Variants in CLIC5 observed in about 807,000 individuals in gnomAD.
The protein encoded by CLIC5 is CLIC family member 5, also known as chloride intracellular channel protein 5.
A neutral mutation model predicts 24.7 loss-of-function variants in CLIC5; 20 were observed. That is an observed-to-expected ratio of 0.81 (90% CI 0.57 to 1.18). CLIC5 has a LOEUF of 1.18. Among genes scored for constraint, CLIC5 ranks in the 50% most tolerant of loss-of-function variants. The probability of loss-of-function intolerance (pLI) is 0.00; values close to 1 mark genes in which losing one functional copy is unlikely to be tolerated. For synonymous variants in CLIC5, 159 were observed against 135.6 expected, an observed-to-expected ratio of 1.17 and a Z score of -1.20; for missense variants, 341 against 326.1, an observed-to-expected ratio of 1.05 and a Z score of -0.35.
intron 1 of CLIC5, among the ~76,000 whole-genome samples, chr6:45,957,690 T>A (rs1764691345): frequency 6.6e-6 from 1 of 152,238 alleles, no homozygotes; most frequent in South Asian, 2.1e-4. Context: ...AAACAAAAAT[T>A]GTCAAAGACC....
intron 1 of CLIC5, among the ~76,000 whole-genome samples, chr6:45,969,796 G>GTTTTTTT (rs397779323): frequency 9.5e-6 from 1 of 105,314 alleles, no homozygotes; most frequent in African/African-American, 4.0e-5. Flanking sequence ...TCACATCAAG[G>GTTTTTTT]TTTTTTTTTT....
upstream of CLIC5, chr6:46,018,880 A>G (rs1050671528): frequency 2.0e-5 from 3 of 152,238 alleles, no homozygotes; most frequent in Non-Finnish European, 4.4e-5. Flanking sequence ...AAACTATAAC[A>G]TATCTGATAG....
intron 4 of CLIC5, among the ~76,000 whole-genome samples, chr6:45,936,030 T>A (rs1448070597): frequency 1.3e-5 from 2 of 152,030 alleles, no homozygotes; most frequent in Non-Finnish European, 2.9e-5. Flanking sequence ...CTTCTTTCTC[T>A]TCCTCCTTGA....
intron 1 of CLIC5, among the ~76,000 whole-genome samples, chr6:46,066,931 A>C (rs1762458674): frequency 6.6e-6 from 1 of 152,152 alleles, no homozygotes. Context: ...TGGAGAGCTC[A>C]GTACTCCTGG....
intron 3 of CLIC5, among the ~76,000 whole-genome samples, chr6:45,944,951 C>T (rs992336505): frequency 2.6e-5 from 4 of 152,180 alleles, no homozygotes; most frequent in African/African-American, 9.7e-5. Context: ...ACGTGAAGGA[C>T]GTTAATGCAT....
intron 1 of CLIC5, among the ~76,000 whole-genome samples, chr6:46,032,729 C>T (rs546704914): frequency 6.3e-4 from 96 of 152,296 alleles, no homozygotes; most frequent in African/African-American, 2.3e-3. Context: ...CCTCTTCGTG[C>T]CCTTATTCTT....
At chr6:45,939,195 T>G (rs897217895) in intron 4 of CLIC5, among the ~76,000 whole-genome samples, 1 of 151,198 alleles carries the variant, frequency 6.6e-6, no homozygotes, top group African/African-American at 2.4e-5. Context: ...CTCCTCTACA[T>G]GTCTGTGTCC....
intron 1 of CLIC5, among the ~76,000 whole-genome samples, chr6:46,061,972 T>G (rs982848428): frequency 7.2e-5 from 11 of 152,222 alleles, no homozygotes; most frequent in Non-Finnish European, 2.9e-5. Context: ...GTAATAGCAC[T>G]GTCCTACAGA....
chr6:46,095,462 C>A, the CLIC5 span, among the ~76,000 whole-genome samples: 1 of 152,174 alleles, frequency 6.6e-6, no homozygotes, highest in African/African-American at 2.4e-5. Context: ...TTAGAAGCAG[C>A]CAGGTCACAT....
rs1327914268 is a variant in CLIC5, at chr6:46,029,246, G to T, written c.540+50457C>A. ...GGCAAGGGAATGAGTGTTTTTCATGGCACAGTTCACTTAACGGCTGTTTAC... is the reference window on the plus strand; with the variant it reads ...GGCAAGGGAATGAGTGTTTTTCATGTCACAGTTCACTTAACGGCTGTTTAC... On this transcript the variant is annotated intron_variant, in intron 1 of 5. Transcript: ENST00000185206. Among the ~76,000 whole-genome samples, 136 of 152,130 alleles carry T rather than the reference G, an allele frequency of 8.9e-4. 2 individuals carry two copies. The highest frequency in any genetic ancestry group is 8.2e-3 in the Admixed American group (125 of 15,272).
chr6:45,939,407 G>A (rs2127363826), intron 4 of CLIC5, among the ~76,000 whole-genome samples: 1 of 151,592 alleles, frequency 6.6e-6, no homozygotes, highest in Admixed American at 6.6e-5. Flanking sequence ...GGAGACGGGG[G>A]TCTCAGACTC....
At chr6:45,935,132 G>A (rs776639337) in intron 4 of CLIC5, among the ~76,000 whole-genome samples, 12 of 152,240 alleles carry the variant, frequency 7.9e-5, no homozygotes, top group Admixed American at 3.3e-4. Flanking sequence ...ATGGCAGATT[G>A]AGGGTAAGAA....
intron 5 of CLIC5, chr6:45,912,873 T>C (rs1762870859): frequency 1.5e-6 from 1 of 665,328 alleles, no homozygotes; most frequent in Non-Finnish European, 2.7e-6. Flanking sequence ...TCTAAATAGG[T>C]TGTATTTGCC....
At chr6:45,934,627 G>A (rs1168288593) in intron 4 of CLIC5, among the ~76,000 whole-genome samples, 3 of 152,234 alleles carry the variant, frequency 2.0e-5, no homozygotes, top group African/African-American at 7.2e-5. Flanking sequence ...GTGGAAGTGG[G>A]CTGCGCAAAA....
intron 5 of CLIC5, chr6:45,912,050 A>C (rs1762840432): frequency 2.0e-6 from 2 of 985,778 alleles, no homozygotes; most frequent in Admixed American, 6.1e-5. Flanking sequence ...GTAAGGATGC[A>C]CACGGAGATC....
At chr6:46,032,008 TA>T (rs1400637610) in intron 1 of CLIC5, among the ~76,000 whole-genome samples, 1 of 151,514 alleles carries the variant, frequency 6.6e-6, no homozygotes, top group Non-Finnish European at 1.5e-5. Flanking sequence ...GGCTAGATAC[TA>T]AATTGTAAAT....
chr6:45,944,522 T>C (rs1764227790), intron 3 of CLIC5, among the ~76,000 whole-genome samples: 2 of 127,014 alleles, frequency 1.6e-5, no homozygotes, highest in African/African-American at 6.3e-5. Flanking sequence ...ACTTTCATTC[T>C]GGGAAGTAAA....
intron 1 of CLIC5, among the ~76,000 whole-genome samples, chr6:46,052,955 G>A (rs947987348): frequency 6.6e-6 from 1 of 151,722 alleles, no homozygotes; most frequent in Non-Finnish European, 1.5e-5. Flanking sequence ...AGGACACTTT[G>A]GAAAAGGAAC....
chr6:45,908,883 C>T (rs1214384840), intron 5 of CLIC5, among the ~76,000 whole-genome samples: 1 of 152,094 alleles, frequency 6.6e-6, no homozygotes, highest in Non-Finnish European at 1.5e-5. Context: ...TGAAGTCCCC[C>T]ATTATTATTG....
Sources: allele counts gnomAD v4.1 joint callset (sites outside exome capture counted in the v4.1 genomes callset), GRCh38; gene constraint gnomAD v4.1.1; transcripts MANE v1.5; gene names NCBI Gene and HGNC (gene_info 2026-07-23, HGNC 2026-07-21).